Variants in AGBL1 observed in about 807,000 individuals in gnomAD.
AGBL1 encodes the protein AGBL carboxypeptidase 1.
Under a neutral mutation model 118.9 loss-of-function variants are expected in AGBL1, and 130 were observed. The observed-to-expected ratio is 1.09, with a 90% confidence interval of 0.95 to 1.26. AGBL1 has a LOEUF of 1.26. AGBL1 is among the 50% of genes most tolerant of loss of function. The probability of loss-of-function intolerance (pLI) is 0.00; values close to 1 mark genes in which losing one functional copy is unlikely to be tolerated. For missense variants in AGBL1, 1,584 were observed against 1,298.1 expected, an observed-to-expected ratio of 1.22 and a Z score of -3.38; for synonymous variants, 555 against 478.9, an observed-to-expected ratio of 1.16 and a Z score of -2.08.
intron 22 of AGBL1, among the ~76,000 whole-genome samples, chr15:86,792,011 C>T (rs1027938807): frequency 2.0e-5 from 3 of 152,174 alleles, no homozygotes; most frequent in Non-Finnish European, 2.9e-5. Flanking sequence ...TCTGGGATTA[C>T]AGGCATGAGC....
At chr15:86,296,905 G>A (rs527420870) in intron 17 of AGBL1, 2 of 152,272 alleles carry the variant, frequency 1.3e-5, no homozygotes, top group South Asian at 2.1e-4. Context: ...AAAAAGAGTT[G>A]AGCAGAACTC....
At chr15:86,872,170 G>A (rs1462386774) in intron 22 of AGBL1, among the ~76,000 whole-genome samples, 1 of 152,202 alleles carries the variant, frequency 6.6e-6, no homozygotes, top group African/African-American at 2.4e-5. Context: ...GTAGTAGTCA[G>A]ATGGCTGGGA....
At chr15:86,726,690 T>A (rs1396096890) in intron 22 of AGBL1, among the ~76,000 whole-genome samples, 1 of 152,078 alleles carries the variant, frequency 6.6e-6, no homozygotes, top group Non-Finnish European at 1.5e-5. Flanking sequence ...GACTCCTGAG[T>A]AGCTGGGACT....
chr15:86,081,666 A>C (rs1473686097), intron 1 of AGBL1, among the ~76,000 whole-genome samples: 2 of 152,248 alleles, frequency 1.3e-5, no homozygotes, highest in East Asian at 3.8e-4. Flanking sequence ...ACCAGGTACA[A>C]TAAGCTGACA....
chr15:86,820,867 A>G (rs2078932839), intron 22 of AGBL1, among the ~76,000 whole-genome samples: 1 of 152,208 alleles, frequency 6.6e-6, no homozygotes, highest in African/African-American at 2.4e-5. Flanking sequence ...TCTACTTTAA[A>G]GACACATGCA....
At chr15:86,898,116 AG>A (rs2080157549) in intron 22 of AGBL1, among the ~76,000 whole-genome samples, 1 of 152,196 alleles carries the variant, frequency 6.6e-6, no homozygotes, top group African/African-American at 2.4e-5. Context: ...GAATGAAGAA[AG>A]ATGCACAAAA....
At chr15:86,155,640 T>C (rs1291681957) in intron 4 of AGBL1, among the ~76,000 whole-genome samples, 1 of 152,164 alleles carries the variant, frequency 6.6e-6, no homozygotes, top group African/African-American at 2.4e-5. Context: ...CGAGTTCCCT[T>C]CCTATGAAAT....
chr15:86,462,325 C>A (rs766164050), intron 18 of AGBL1, among the ~76,000 whole-genome samples: 62 of 152,226 alleles, frequency 4.1e-4, no homozygotes, highest in Non-Finnish European at 7.4e-4. Flanking sequence ...CACAGACAAG[C>A]CTTCCAGTCT....
chr15:86,481,874 T>C (rs1474280509), intron 18 of AGBL1, among the ~76,000 whole-genome samples: 1 of 152,076 alleles, frequency 6.6e-6, no homozygotes, highest in African/African-American at 2.4e-5. Flanking sequence ...TTGACTGCAG[T>C]AGAAGGGGTT....
intron 22 of AGBL1, among the ~76,000 whole-genome samples, chr15:86,771,866 T>C (rs1338580086): frequency 2.0e-5 from 3 of 152,150 alleles, no homozygotes; most frequent in African/African-American, 7.2e-5. Flanking sequence ...CCCCTAAGGC[T>C]GCTGGATGGG....
chr15:86,127,260 C>G (rs1351139029), intron 1 of AGBL1, among the ~76,000 whole-genome samples: 5 of 152,138 alleles, frequency 3.3e-5, no homozygotes, highest in Admixed American at 1.3e-4. Flanking sequence ...ACTGACTCTT[C>G]TTGTTATTGT....
chr15:86,423,955 G>A (rs1037351362), intron 18 of AGBL1, among the ~76,000 whole-genome samples: 4 of 152,118 alleles, frequency 2.6e-5, no homozygotes, highest in African/African-American at 9.7e-5. Flanking sequence ...TGGACATACT[G>A]CCCAAAGTAA....
At chr15:86,407,966 A>G (rs1385535966) in intron 18 of AGBL1, among the ~76,000 whole-genome samples, 2 of 151,980 alleles carry the variant, frequency 1.3e-5, no homozygotes, top group Non-Finnish European at 2.9e-5. Flanking sequence ...GAGGACCAGG[A>G]CTCCTCTGCA....
chr15:86,477,376 G>A (rs540171206), intron 18 of AGBL1, among the ~76,000 whole-genome samples: 16 of 151,952 alleles, frequency 1.1e-4, no homozygotes, highest in Non-Finnish European at 7.4e-5. Context: ...TCAAATAGAC[G>A]CAATAAAAAA....
rs530673929 is a variant in AGBL1, at chr15:86,848,770, G to A, written c.3159-58317G>A. The stretch of plus-strand genomic sequence containing the variant: ...GACTAAATTTCCATGGAAGAAATTT[G>A]GAATTAATAGCACAAATATATTTAT... On this transcript the variant is annotated intron_variant, in intron 22 of 22. Coordinates refer to ENST00000614907, the MANE Select transcript of AGBL1 (RefSeq NM_001386094.1). Among the ~76,000 whole-genome samples, 5 of 152,196 alleles carry A rather than the reference G, an allele frequency of 3.3e-5. No individual in the cohort carries two copies. In the South Asian group the frequency reaches 1.0e-3, roughly 32 times the overall value.
At chr15:86,998,027 A>C (rs1821121462) in intron 24 of AGBL1, among the ~76,000 whole-genome samples, 1 of 152,098 alleles carries the variant, frequency 6.6e-6, no homozygotes, top group Non-Finnish European at 1.5e-5. Flanking sequence ...TGAGCTATGT[A>C]TATATAGTAG....
intron 21 of AGBL1, among the ~76,000 whole-genome samples, chr15:86,670,205 A>G (rs2085716498): frequency 6.6e-6 from 1 of 152,078 alleles, no homozygotes; most frequent in Non-Finnish European, 1.5e-5. Context: ...TACCATGTCA[A>G]ATGTTATGGA....
intron 22 of AGBL1, among the ~76,000 whole-genome samples, chr15:86,875,355 G>A (rs1369437964): frequency 8.5e-5 from 13 of 152,166 alleles, no homozygotes; most frequent in Admixed American, 8.5e-4. Flanking sequence ...GTTGACAAAT[G>A]TACCAGTTTC....
At chr15:86,322,134 T>C (rs528866303) in intron 17 of AGBL1, among the ~76,000 whole-genome samples, 2 of 151,106 alleles carry the variant, frequency 1.3e-5, no homozygotes, top group East Asian at 3.9e-4. Flanking sequence ...AGCTATTGGG[T>C]GCATTGTTCT....
Sources: gnomAD v4.1 joint callset for allele counts (sites outside exome capture counted in the v4.1 genomes callset) on GRCh38, gnomAD v4.1.1 for gene constraint, MANE v1.5 for transcripts, NCBI Gene and HGNC (gene_info 2026-07-23, HGNC 2026-07-21) for gene names.